The following PHKA1 variants were observed in gnomAD, a reference collection of about 807,000 sequenced individuals.
PHKA1 encodes the protein phosphorylase b kinase regulatory subunit alpha, skeletal muscle isoform.
A neutral mutation model predicts 110.2 loss-of-function variants in PHKA1; 60 were observed. The ratio of observed to expected loss-of-function variants is 0.54; its 90% CI spans 0.44 to 0.68. PHKA1 has a LOEUF of 0.68. Among genes scored for constraint, PHKA1 ranks in the 30% least tolerant of loss-of-function variants. The pLI, the probability that PHKA1 is intolerant of heterozygous loss-of-function variation, is 0.00. For missense variants in PHKA1, 801 were observed against 942.5 expected, an observed-to-expected ratio of 0.85 and a Z score of 1.97; for synonymous variants, 316 against 333.6, an observed-to-expected ratio of 0.95 and a Z score of 0.58.
intron 15 of PHKA1, among the ~76,000 whole-genome samples, chrX:72,635,614 T>C (rs980797608): frequency 1.5e-4 from 17 of 112,160 alleles, no homozygotes; most frequent in Non-Finnish European, 3.2e-4. Context: ...CGTGGATTAG[T>C]GAAATCATAT....
At chrX:72,688,845 A>G (rs947570139) in intron 4 of PHKA1, 3 of 112,318 alleles carry the variant, frequency 2.7e-5, no homozygotes, top group Non-Finnish European at 5.6e-5. Context: ...AATAGCATTG[A>G]ACAGTAGATG....
chrX:72,604,213 A>G (rs1204251923), intron 25 of PHKA1, among the ~76,000 whole-genome samples: 1 of 111,143 alleles, frequency 9.0e-6, no homozygotes, highest in Non-Finnish European at 1.9e-5. Context: ...TGAACTAGAA[A>G]TCATTTGCAA....
intron 5 of PHKA1, among the ~76,000 whole-genome samples, chrX:72,680,474 A>G (rs1264838673): frequency 8.8e-6 from 1 of 113,331 alleles, no homozygotes; most frequent in East Asian, 2.8e-4. Context: ...TGCCATCATA[A>G]AATTCTAAAC....
chrX:72,600,344 T>A (rs2052642975), intron 28 of PHKA1, among the ~76,000 whole-genome samples: 1 of 111,293 alleles, frequency 9.0e-6, no homozygotes, highest in African/African-American at 3.3e-5. Context: ...AACATGTACT[T>A]CAAGTTGTAA....
chrX:72,580,903 G>A lies in PHKA1; in HGVS notation c.*99C>T. 1.3e-6 allele frequency: 1 copy of A among 760,056 alleles called. No homozygotes were observed. The highest frequency in any genetic ancestry group is 3.4e-5 in the East Asian group (1 of 29,046). The allele number at this position is 760,056 out of a possible 1,213,427, so 62.6% of individuals were successfully genotyped here. A position where few individuals can be genotyped will look rare whatever the true frequency, so the allele number is the denominator to read the frequency against. ...GGAAGGATGGGACAGAAAGGGGCAG[G>A]GTTGGAGTGATTAGGCAATAACATT... On this transcript the variant is annotated 3_prime_UTR_variant, in exon 32 of 32. Transcript: ENST00000373542.
chrX:72,638,078 T>C (rs989345777), intron 14 of PHKA1, among the ~76,000 whole-genome samples: 9 of 112,124 alleles, frequency 8.0e-5, no homozygotes, highest in Non-Finnish European at 1.1e-4. Flanking sequence ...TTTTGTGTGC[T>C]GATTCTGTAT....
chrX:72,705,650 T>C (rs2054273559), intron 2 of PHKA1, among the ~76,000 whole-genome samples: 1 of 112,157 alleles, frequency 8.9e-6, no homozygotes. Context: ...CCAAGACTTA[T>C]CTTCAAGAGT....
chrX:72,599,730 T>A (rs1603253123), intron 28 of PHKA1: 5 of 395,561 alleles, frequency 1.3e-5, no homozygotes, highest in Non-Finnish European at 2.3e-5. Flanking sequence ...ATTTTTTTTT[T>A]AATCAACCAG....
intron 14 of PHKA1, among the ~76,000 whole-genome samples, chrX:72,641,756 C>T (rs1364105469): frequency 9.0e-6 from 1 of 111,517 alleles, no homozygotes; most frequent in South Asian, 3.8e-4. Flanking sequence ...TGTCATTTGA[C>T]GTACCCTTAG....
In PHKA1 at chrX:72,712,324, T is replaced by C. The variant is rs2054396372; in HGVS notation, c.237+455A>G. On this transcript the variant is annotated intron_variant, in intron 2 of 31. Transcript: ENST00000373542. ...GGCCACAGCTATAAAAATCAACAGA[T>C]AAAGTCTTTACTGTGTCTAGTCCAG... is the stretch of plus-strand genomic sequence containing the variant. The C allele has an allele frequency of 2.3e-5, 3 of 130,108 alleles. No individual in the cohort carries two copies. In the South Asian group the frequency reaches 7.5e-4, roughly 32 times the overall value. 10.7% of individuals were successfully genotyped at this position (130,108 alleles called of 1,213,427 possible).
chrX:72,654,527 T>TA (rs1234019844), intron 10 of PHKA1, among the ~76,000 whole-genome samples: 3 of 111,776 alleles, frequency 2.7e-5, no homozygotes, highest in Non-Finnish European at 5.6e-5. Context: ...GCACATTATG[T>TA]AGTGGGCATG....
At chrX:72,711,358 T>C (rs1259122952) in intron 2 of PHKA1, among the ~76,000 whole-genome samples, 3 of 111,513 alleles carry the variant, frequency 2.7e-5, no homozygotes, top group African/African-American at 9.8e-5. Flanking sequence ...GAGTAGGATG[T>C]AGGATTTGGG....
At chrX:72,667,234 G>A (rs1446830837) in intron 7 of PHKA1, 141 bp downstream of exon 7, 1 of 513,843 alleles carries the variant, frequency 1.9e-6, no homozygotes, top group Non-Finnish European at 3.4e-6. Context: ...TAGTATGCTT[G>A]TTAAATATAT....
In PHKA1 at chrX:72,580,851, GT is replaced by G; in HGVS notation, c.*150del. 1.9e-6 allele frequency: 1 copy of G among 533,948 alleles called. No individual in the cohort carries two copies. Among genetic ancestry groups the G allele is most frequent in the East Asian group, 3.6e-5 (1 of 27,737 alleles). The allele number at this position is 533,948 out of a possible 1,213,427, so 44.0% of individuals were successfully genotyped here. ...GTGTTCACTTCTTCTACAGTAGTTAGTTTATCGAAAAAGTTCTCTCTTCTTG... is the reference window on the plus strand; with the variant it reads ...GTGTTCACTTCTTCTACAGTAGTTAGTTATCGAAAAAGTTCTCTCTTCTTG... On this transcript the variant is annotated 3_prime_UTR_variant, in exon 32 of 32. Coordinates refer to ENST00000373542, the MANE Select transcript of PHKA1 (RefSeq NM_002637.4).
At chrX:72,613,671 A>G (rs782541261) in intron 21 of PHKA1, among the ~76,000 whole-genome samples, 15 of 112,093 alleles carry the variant, frequency 1.3e-4, no homozygotes, top group African/African-American at 4.8e-4. Context: ...TCTACAGGAT[A>G]CTTTTTTAAT....
chrX:72,580,870 T>C lies in PHKA1; in HGVS notation c.*132A>G. 1 of 610,873 alleles carries C rather than the reference T, an allele frequency of 1.6e-6. No homozygotes were observed. The highest frequency in any genetic ancestry group is 3.6e-5 in the East Asian group (1 of 28,058). 50.3% of individuals were successfully genotyped at this position (610,873 alleles called of 1,213,427 possible). A position where few individuals can be genotyped will look rare whatever the true frequency, so the allele number is the denominator to read the frequency against. ...TAGTTAGTTTATCGAAAAAGTTCTC[T>C]CTTCTTGGGAAGGATGGGACAGAAA... On this transcript the variant is annotated 3_prime_UTR_variant, in exon 32 of 32. Transcript: ENST00000373542.
Position 72,636,448 on chromosome X carries a change from T to G in PHKA1, c.1460-62A>C, listed in dbSNP as rs1603260898. The G allele has an allele frequency of 2.5e-5, 16 of 630,722 alleles. No individual in the cohort carries two copies. In the East Asian group the frequency reaches 5.3e-4, roughly 21 times the overall value. 52.0% of individuals were successfully genotyped at this position (630,722 alleles called of 1,213,427 possible). A position where few individuals can be genotyped will look rare whatever the true frequency, so the allele number is the denominator to read the frequency against. On this transcript the variant is annotated intron_variant, in intron 14 of 31. Coordinates refer to ENST00000373542, the MANE Select transcript of PHKA1 (RefSeq NM_002637.4). ...GAGCACAAATCAAATCAGCAAACATTTTTACATATATATATATACACACAC... is the reference window on the plus strand; with the variant it reads ...GAGCACAAATCAAATCAGCAAACATGTTTACATATATATATATACACACAC...
chrX:72,711,534 G>A (rs1288474380), intron 2 of PHKA1, among the ~76,000 whole-genome samples: 1 of 110,428 alleles, frequency 9.1e-6, no homozygotes, highest in Admixed American at 9.6e-5. Flanking sequence ...CACAAGGTCA[G>A]GAGATTGAGA....
intron 11 of PHKA1, among the ~76,000 whole-genome samples, chrX:72,653,156 C>T (rs930618598): frequency 4.5e-5 from 5 of 111,731 alleles, no homozygotes; most frequent in African/African-American, 1.6e-4. Context: ...AGAGTCCACA[C>T]AGAACATCAT....
Sources: allele counts gnomAD v4.1 joint callset (sites outside exome capture counted in the v4.1 genomes callset), GRCh38; gene constraint gnomAD v4.1.1; transcripts MANE v1.5; gene names NCBI Gene and HGNC (gene_info 2026-07-23, HGNC 2026-07-21).